The following EYS variants were observed in gnomAD, a reference collection of about 807,000 sequenced individuals.
EYS encodes protein eyes shut homolog.
A neutral mutation model predicts 282.1 loss-of-function variants in EYS; 250 were observed. The ratio of observed to expected loss-of-function variants is 0.89; its 90% CI spans 0.80 to 0.98. The LOEUF (loss-of-function observed/expected upper bound fraction) is 0.98, where lower values mean the gene tolerates loss of function less well. Ranked by LOEUF, EYS falls within the 50% of genes least tolerant of loss-of-function variation. The pLI is 0.00. For missense variants in EYS, 4,016 were observed against 3,709.0 expected, an observed-to-expected ratio of 1.08 and a Z score of -2.15; for synonymous variants, 1,355 against 1,282.9, an observed-to-expected ratio of 1.06 and a Z score of -1.20.
At chr6:64,745,157 T>C (rs1772514066) in intron 22 of EYS, among the ~76,000 whole-genome samples, 1 of 152,178 alleles carries the variant, frequency 6.6e-6, no homozygotes, top group Non-Finnish European at 1.5e-5. Flanking sequence ...TTTCTAAAAA[T>C]ACTTCAATTT....
At chr6:65,621,231 G>A (rs1049652064) in intron 2 of EYS, among the ~76,000 whole-genome samples, 1 of 152,112 alleles carries the variant, frequency 6.6e-6, no homozygotes, top group African/African-American at 2.4e-5. Flanking sequence ...ATGAAACTTG[G>A]TGCTCCTGTA....
At chr6:65,048,499 T>A (rs1364297377) in intron 13 of EYS, among the ~76,000 whole-genome samples, 1 of 151,896 alleles carries the variant, frequency 6.6e-6, no homozygotes, top group Non-Finnish European at 1.5e-5. Flanking sequence ...ATCCAGCCTT[T>A]ATATTTTAGT....
intron 26 of EYS, among the ~76,000 whole-genome samples, chr6:64,453,152 A>G (rs1775423062): frequency 6.6e-6 from 1 of 152,060 alleles, no homozygotes; most frequent in Non-Finnish European, 1.5e-5. Context: ...ACTCCAACAA[A>G]TTTACAAGAA....
chr6:64,431,054 T>C (rs1774561362), intron 28 of EYS, among the ~76,000 whole-genome samples: 1 of 151,914 alleles, frequency 6.6e-6, no homozygotes, highest in South Asian at 2.1e-4. Context: ...CAGAACAGAG[T>C]AGAGGGCCAT....
chr6:65,640,854 A>T (rs1767251934), intron 1 of EYS, among the ~76,000 whole-genome samples: 1 of 151,794 alleles, frequency 6.6e-6, no homozygotes, highest in East Asian at 1.9e-4. Context: ...GATTTCTGTC[A>T]TTGACCATTT....
At chr6:64,625,510 T>C (rs894215185) in intron 23 of EYS, among the ~76,000 whole-genome samples, 1 of 152,182 alleles carries the variant, frequency 6.6e-6, no homozygotes. Flanking sequence ...CCTCACATTG[T>C]GGAAGGGCCA....
chr6:64,559,372 C>T (rs1474295877), intron 26 of EYS, among the ~76,000 whole-genome samples: 2 of 150,602 alleles, frequency 1.3e-5, no homozygotes, highest in Admixed American at 6.7e-5. Flanking sequence ...TAGCTCACTG[C>T]AGTTTTGAAG....
chr6:64,312,596 C>T (rs1446741029), intron 29 of EYS, among the ~76,000 whole-genome samples: 1 of 152,180 alleles, frequency 6.6e-6, no homozygotes, highest in African/African-American at 2.4e-5. Context: ...GAGACATCTC[C>T]CAGTAGGGGC....
intron 22 of EYS, among the ~76,000 whole-genome samples, chr6:64,786,608 C>A (rs1019776525): frequency 3.3e-5 from 5 of 152,192 alleles, no homozygotes; most frequent in Admixed American, 2.0e-4. Context: ...GACACCATAC[C>A]GGGGTCCCCA....
At chr6:64,130,374 A>G (rs1773931280) in intron 31 of EYS, among the ~76,000 whole-genome samples, 1 of 152,210 alleles carries the variant, frequency 6.6e-6, no homozygotes, top group Non-Finnish European at 1.5e-5. Context: ...GCAAACTGTC[A>G]CAAGGACAAA....
intron 11 of EYS, among the ~76,000 whole-genome samples, chr6:65,306,284 T>C (rs1261957627): frequency 2.0e-5 from 3 of 152,156 alleles, no homozygotes; most frequent in African/African-American, 7.2e-5. Context: ...GTTGGGAATA[T>C]GGAAAAGGAA....
intron 22 of EYS, among the ~76,000 whole-genome samples, chr6:64,764,460 A>G (rs996826062): frequency 6.6e-6 from 1 of 152,172 alleles, no homozygotes; most frequent in Non-Finnish European, 1.5e-5. Context: ...GCCATGTCTC[A>G]TGGTAGCACA....
chr6:64,238,820 G>A (rs146655504), intron 30 of EYS, among the ~76,000 whole-genome samples: 2 of 152,130 alleles, frequency 1.3e-5, no homozygotes, highest in South Asian at 2.1e-4. Context: ...TGTTACATAG[G>A]TATATACGTG....
chr6:65,543,050 A>C (rs1451692539), intron 2 of EYS, among the ~76,000 whole-genome samples: 2 of 152,070 alleles, frequency 1.3e-5, no homozygotes, highest in Non-Finnish European at 2.9e-5. Flanking sequence ...ACAGAGTTTC[A>C]GTCTTTCACC....
chr6:64,899,847 T>C (rs757501335), intron 18 of EYS, among the ~76,000 whole-genome samples: 2 of 152,046 alleles, frequency 1.3e-5, no homozygotes, highest in Non-Finnish European at 2.9e-5. Context: ...CAAGCTACCA[T>C]TGACTCTCTT....
intron 22 of EYS, among the ~76,000 whole-genome samples, chr6:64,801,304 T>C (rs903793289): frequency 6.6e-6 from 1 of 152,152 alleles, no homozygotes; most frequent in Non-Finnish European, 1.5e-5. Context: ...CATAAGTGTT[T>C]ATATTTTTCT....
chr6:64,000,917 C>G (rs898741639), intron 33 of EYS, among the ~76,000 whole-genome samples: 1 of 152,086 alleles, frequency 6.6e-6, no homozygotes, highest in Non-Finnish European at 1.5e-5. Context: ...GGAGGCCACC[C>G]TTAGGTGCTC....
At chr6:64,159,559 T>TA (rs35139594) in intron 31 of EYS, among the ~76,000 whole-genome samples, 1,150 of 59,934 alleles carry the variant, frequency 0.019, 29 homozygotes, top group East Asian at 0.046. Context: ...GACTCTGTCT[T>TA]AAAAAAAAAA....
intron 30 of EYS, among the ~76,000 whole-genome samples, chr6:64,287,427 A>G (rs1201275017): frequency 6.6e-6 from 1 of 152,214 alleles, no homozygotes; most frequent in African/African-American, 2.4e-5. Context: ...CAAAATATAC[A>G]TATGGTATAC....
Sources: gnomAD v4.1 joint callset for allele counts (sites outside exome capture counted in the v4.1 genomes callset) on GRCh38, gnomAD v4.1.1 for gene constraint, MANE v1.5 for transcripts, NCBI Gene and HGNC (gene_info 2026-07-23, HGNC 2026-07-21) for gene names.